Variants in CNBD1 observed in about 807,000 individuals in gnomAD.
The protein encoded by CNBD1 is cyclic nucleotide binding domain containing 1.
A neutral mutation model predicts 54.4 loss-of-function variants in CNBD1; 71 were observed. That is an observed-to-expected ratio of 1.30 (90% CI 1.08 to 1.59). CNBD1 has a LOEUF of 1.59. CNBD1 is among the 40% of genes most tolerant of loss of function. The pLI is 0.00. For synonymous variants in CNBD1, 182 were observed against 170.7 expected (o/e 1.07, Z -0.51); for missense variants, 659 against 518.0 (o/e 1.27, Z -2.64).
rs192746533 is a variant in CNBD1, at chr8:87,165,506, C to A, written c.432-40487C>A. Among the ~76,000 whole-genome samples the A allele has an allele frequency of 5.5e-4, 83 of 151,992 alleles. 1 individual carries two copies. The highest frequency in any genetic ancestry group is 1.8e-3 in the African/African-American group (74 of 41,500). ...GACACTTTTGTTATTATAAAATGACCTTGTTTGTCTCTTGTGACAGTTTCT... is the reference window on the plus strand; with the variant it reads ...GACACTTTTGTTATTATAAAATGACATTGTTTGTCTCTTGTGACAGTTTCT... On this transcript the variant is annotated intron_variant, in intron 4 of 10. Transcript: ENST00000518476.
chr8:87,272,814 C>A (rs1417863501), intron 6 of CNBD1, among the ~76,000 whole-genome samples: 1 of 151,824 alleles, frequency 6.6e-6, no homozygotes, highest in East Asian at 1.9e-4. Flanking sequence ...TTTTAATAAA[C>A]CTTATGTGCT....
intron 5 of CNBD1, among the ~76,000 whole-genome samples, chr8:87,214,142 G>A (rs1042907854): frequency 6.6e-6 from 1 of 152,200 alleles, no homozygotes; most frequent in Non-Finnish European, 1.5e-5. Flanking sequence ...CTAGTGTTGA[G>A]TGTCTGCAGT....
intron 2 of CNBD1, among the ~76,000 whole-genome samples, chr8:86,899,411 G>T (rs1054582237): frequency 1.3e-5 from 2 of 151,868 alleles, no homozygotes; most frequent in African/African-American, 4.8e-5. Context: ...TTATCTGTAT[G>T]TATTCTAGAA....
intron 8 of CNBD1, among the ~76,000 whole-genome samples, chr8:87,315,594 G>A (rs780201046): frequency 4.6e-5 from 7 of 151,846 alleles, no homozygotes; most frequent in Non-Finnish European, 1.0e-4. Flanking sequence ...GCCTTACCCC[G>A]AAGGATGGCA....
rs1006054108 is a variant in CNBD1, at chr8:87,283,386, C to T, written c.772-1292C>T. Among the ~76,000 whole-genome samples the T allele has an allele frequency of 2.1e-4, 32 of 151,802 alleles. 1 individual carries two copies. Among genetic ancestry groups the T allele is most frequent in the Non-Finnish European group, 4.1e-4 (28 of 67,944 alleles). ...TATAGGGTTTTATTCATTTGTGTGG[C>T]TTGTAATTTTTTTTATTAAGATTTT... On this transcript the variant is annotated intron_variant, in intron 6 of 10. Transcript: ENST00000518476.
At chr8:87,069,448 T>C (rs1190457960) in intron 4 of CNBD1, among the ~76,000 whole-genome samples, 1 of 152,100 alleles carries the variant, frequency 6.6e-6, no homozygotes, top group Admixed American at 6.6e-5. Context: ...TACCATTACA[T>C]TACATTTGCC....
chr8:86,881,196 G>A (rs887759749), intron 1 of CNBD1, among the ~76,000 whole-genome samples: 3 of 152,150 alleles, frequency 2.0e-5, no homozygotes, highest in African/African-American at 7.2e-5. Context: ...GCAAGAGAAG[G>A]AAATAAAGGG....
At chr8:86,869,796 T>C (rs999566785) in intron 1 of CNBD1, among the ~76,000 whole-genome samples, 12 of 152,170 alleles carry the variant, frequency 7.9e-5, no homozygotes, top group African/African-American at 2.7e-4. Context: ...TGACCCATTA[T>C]TTTTATAAGT....
intron 4 of CNBD1, among the ~76,000 whole-genome samples, chr8:87,087,234 C>CAT (rs1313443954): frequency 3.0e-4 from 41 of 138,764 alleles, no homozygotes; most frequent in East Asian, 4.1e-4. Context: ...CACACACACA[C>CAT]ATATATATAT....
chr8:87,129,855 C>T (rs990383522), intron 4 of CNBD1, among the ~76,000 whole-genome samples: 1 of 152,128 alleles, frequency 6.6e-6, no homozygotes, highest in Non-Finnish European at 1.5e-5. Context: ...CTGATAAAGA[C>T]ATACCCAAGA....
intron 2 of CNBD1, among the ~76,000 whole-genome samples, chr8:87,405,957 T>C (rs1169749639): frequency 6.6e-6 from 1 of 152,124 alleles, no homozygotes; most frequent in Admixed American, 6.6e-5. Flanking sequence ...TTCAGGGAGA[T>C]TGATCATCCA....
intron 4 of CNBD1, among the ~76,000 whole-genome samples, chr8:86,942,716 A>G (rs924814111): frequency 6.6e-6 from 1 of 152,192 alleles, no homozygotes; most frequent in African/African-American, 2.4e-5. Context: ...GTTTTGCAGT[A>G]TTCCCAAATC....
chr8:86,956,460 T>C (rs1326679307), intron 4 of CNBD1, among the ~76,000 whole-genome samples: 2 of 152,232 alleles, frequency 1.3e-5, no homozygotes, highest in African/African-American at 4.8e-5. Flanking sequence ...TTTCTATCCA[T>C]GAGCATGGAA....
In CNBD1 at chr8:86,892,599, G is replaced by A. The variant is rs1291545288; in HGVS notation, c.158+4988G>A. On this transcript the variant is annotated intron_variant, in intron 2 of 10. Coordinates refer to ENST00000518476, the MANE Select transcript of CNBD1 (RefSeq NM_173538.3). ...AATAAAGAAGAAAATAACATTTTAA[G>A]ATTTATAGTAAATCTTTAATGAAAA... is the stretch of plus-strand genomic sequence containing the variant. Among the ~76,000 whole-genome samples the A allele has an allele frequency of 2.0e-5, 3 of 152,012 alleles. No individual in the cohort carries two copies. In the East Asian group the frequency reaches 5.8e-4, roughly 29 times the overall value.
At chr8:87,055,936 TTC>T in intron 4 of CNBD1, among the ~76,000 whole-genome samples, 1 of 128,132 alleles carries the variant, frequency 7.8e-6, no homozygotes, top group Non-Finnish European at 1.6e-5. Flanking sequence ...CCTTCCTTCC[TTC>T]CTTCCTTCCA....
intron 10 of CNBD1, among the ~76,000 whole-genome samples, chr8:87,363,613 G>T (rs1185249988): frequency 6.6e-6 from 1 of 152,066 alleles, no homozygotes; most frequent in Non-Finnish European, 1.5e-5. Context: ...CAGTGATGAT[G>T]AGCTTTTTTT....
At chr8:87,198,947 A>G (rs1813783102) in intron 4 of CNBD1, among the ~76,000 whole-genome samples, 1 of 152,186 alleles carries the variant, frequency 6.6e-6, no homozygotes, top group South Asian at 2.1e-4. Context: ...GGAAGGTTAC[A>G]ATCATCTTGC....
At chr8:87,322,497 T>C (rs1809558538) in intron 8 of CNBD1, among the ~76,000 whole-genome samples, 1 of 122,472 alleles carries the variant, frequency 8.2e-6, no homozygotes, top group Non-Finnish European at 1.8e-5. Flanking sequence ...ATTGCCATTC[T>C]AACTGGTGTG....
chr8:87,173,664 AT>A (rs3056350), intron 4 of CNBD1, among the ~76,000 whole-genome samples: 2,866 of 147,260 alleles, frequency 0.019, 84 homozygotes, highest in African/African-American at 0.066. Context: ...ATTATATGTT[AT>A]TTTTTTTTTT....
Sources: gnomAD v4.1 joint callset for allele counts (sites outside exome capture counted in the v4.1 genomes callset) on GRCh38, gnomAD v4.1.1 for gene constraint, MANE v1.5 for transcripts, NCBI Gene and HGNC (gene_info 2026-07-23, HGNC 2026-07-21) for gene names.